The following VPS41 variants were observed in gnomAD, a reference collection of about 807,000 sequenced individuals.
VPS41 encodes VPS41 subunit of HOPS complex.
A neutral mutation model predicts 130.9 loss-of-function variants in VPS41; 85 were observed. The ratio of observed to expected loss-of-function variants is 0.65; its 90% CI spans 0.55 to 0.78. The LOEUF is 0.78. Among genes scored for constraint, VPS41 ranks in the 30% least tolerant of loss-of-function variants. The probability of loss-of-function intolerance (pLI) is 0.00; values close to 1 mark genes in which losing one functional copy is unlikely to be tolerated. For synonymous variants in VPS41, 335 were observed against 332.9 expected (o/e 1.01, Z -0.07); for missense variants, 874 against 1,018.7 (o/e 0.86, Z 1.93).
At chr7:38,796,931 C>T in intron 7 of VPS41, 67 bp from the exon 8 acceptor site, 1 of 1,579,836 alleles carries the variant, frequency 6.3e-7, no homozygotes, top group Non-Finnish European at 8.7e-7. Flanking sequence ...TCTTTACTTA[C>T]TAGTTTTACC....
At chr7:38,827,846 G>T (rs1179932021) in intron 5 of VPS41, among the ~76,000 whole-genome samples, 7 of 152,202 alleles carry the variant, frequency 4.6e-5, no homozygotes, top group African/African-American at 1.7e-4. Context: ...TTCAGTGTAT[G>T]GATCAAAAGG....
chr7:38,863,137 T>C (rs1786157287), intron 3 of VPS41, among the ~76,000 whole-genome samples: 1 of 152,236 alleles, frequency 6.6e-6, no homozygotes, highest in Non-Finnish European at 1.5e-5. Flanking sequence ...CAGTTAGCTT[T>C]AGGATGCTTC....
intron 23 of VPS41, among the ~76,000 whole-genome samples, chr7:38,744,202 C>T (rs6967384): frequency 0.88 from 134,378 of 152,192 alleles, 59,509 homozygotes; most frequent in East Asian, 0.99. Flanking sequence ...ACTTTGCTCA[C>T]TGACCTATGG....
intron 25 of VPS41, among the ~76,000 whole-genome samples, chr7:38,734,080 C>A (rs989210588): frequency 1.3e-5 from 2 of 152,166 alleles, no homozygotes; most frequent in African/African-American, 4.8e-5. Context: ...CAAAGTAAGG[C>A]CCTGTCTCAA....
At position 38,898,006 on chromosome 7, in the gene VPS41, G is replaced by A. The variant is rs1787047321; in HGVS notation, c.60+85C>T. ...CCTGCTTTACACCCTCAGCCCCTGG[G>A]AATGTTGCATTTAGCAAAGAAGCGC... On this transcript the variant is annotated intron_variant, in intron 2 of 28. Coordinates refer to ENST00000310301, the MANE Select transcript of VPS41 (RefSeq NM_014396.4). The A allele has an allele frequency of 5.4e-6, 7 of 1,285,510 alleles. No homozygotes were observed. In the Admixed American group the frequency reaches 1.2e-4, roughly 22 times the overall value. The allele number at this position is 1,285,510 out of a possible 1,614,324, so 79.6% of individuals were successfully genotyped here.
In VPS41 at chr7:38,748,214, C is replaced by G. The variant is rs1029401111; in HGVS notation, c.1927-2601G>C. Among the ~76,000 whole-genome samples the G allele has an allele frequency of 3.3e-5, 5 of 152,164 alleles. No individual in the cohort carries two copies. The East Asian group carries it at 5.8e-4, about 18-fold the overall frequency. On this transcript the variant is annotated intron_variant, in intron 22 of 28. Transcript: ENST00000310301. ...TTAAAGTAGACACACACAACACATG[C>G]GCGCGCGTGCGCGCACACACACGCG... is the stretch of plus-strand genomic sequence containing the variant.
At chr7:38,791,114 C>T (rs948733839) in intron 9 of VPS41, among the ~76,000 whole-genome samples, 1 of 152,180 alleles carries the variant, frequency 6.6e-6, no homozygotes. Flanking sequence ...AAGTGACCGG[C>T]TGTCTTCTTC....
In VPS41 at chr7:38,724,322, T is replaced by C. The variant is rs1196373115; in HGVS notation, c.*1924A>G. The C allele has an allele frequency of 6.6e-6, 1 of 152,198 alleles. No individual in the cohort carries two copies. Among genetic ancestry groups the C allele is most frequent in the Admixed American group, 6.5e-5 (1 of 15,286 alleles). 9.4% of individuals were successfully genotyped at this position (152,198 alleles called of 1,614,324 possible). A position where few individuals can be genotyped will look rare whatever the true frequency, so the allele number is the denominator to read the frequency against. On this transcript the variant is annotated 3_prime_UTR_variant, in exon 29 of 29. Transcript: ENST00000310301. ...GAGGATTAATGTAAATGTAATAAACTGAATCTGTAAATTGGTAATGTTGAA... is the reference window on the plus strand; with the variant it reads ...GAGGATTAATGTAAATGTAATAAACCGAATCTGTAAATTGGTAATGTTGAA...
intron 5 of VPS41, among the ~76,000 whole-genome samples, chr7:38,823,154 T>G (rs1371987573): frequency 4.6e-5 from 7 of 152,212 alleles, no homozygotes; most frequent in Non-Finnish European, 1.0e-4. Flanking sequence ...GATTAAATTA[T>G]GAAGGTGGAG....
intron 1 of VPS41, among the ~76,000 whole-genome samples, chr7:38,903,996 T>C (rs1302127756): frequency 6.6e-6 from 1 of 152,166 alleles, no homozygotes; most frequent in Non-Finnish European, 1.5e-5. Context: ...TCATCAAAAC[T>C]CAGTTTGGGG....
chr7:38,726,276 T>C lies in VPS41; in HGVS notation c.2535A>G (p.Pro845=). 6.2e-7 allele frequency: 1 copy of C among 1,614,074 alleles called. No individual in the cohort carries two copies. Among genetic ancestry groups the C allele is most frequent in the Non-Finnish European group, 8.5e-7 (1 of 1,179,914 alleles). The change falls in exon 29 of 29, where the codon CCA becomes CCG. Residue 845 remains proline (P), a synonymous_variant. Transcript: ENST00000310301. ...CNICSAKNRG[P]GSAILEMKK ...TTTTCATCTCCAAAATTGCACTTCCTGGTCCACGGTTCTTAGCACTGCAGA... is the reference window on the plus strand; with the variant it reads ...TTTTCATCTCCAAAATTGCACTTCCCGGTCCACGGTTCTTAGCACTGCAGA...
intron 12 of VPS41, among the ~76,000 whole-genome samples, chr7:38,773,455 A>C (rs1375539994): frequency 2.6e-5 from 4 of 152,226 alleles, no homozygotes; most frequent in Admixed American, 6.5e-5. Flanking sequence ...CCACAATGAG[A>C]ACTGAAAATA....
At chr7:38,792,557 C>A (rs1346598911) in intron 9 of VPS41, among the ~76,000 whole-genome samples, 2 of 152,180 alleles carry the variant, frequency 1.3e-5, no homozygotes, top group African/African-American at 4.8e-5. Context: ...CATTTCTCAC[C>A]AGCTGCATTA....
chr7:38,899,739 T>C (rs965934335), intron 1 of VPS41, among the ~76,000 whole-genome samples: 1 of 152,238 alleles, frequency 6.6e-6, no homozygotes, highest in Admixed American at 6.5e-5. Context: ...AATATTATGT[T>C]ATTAGCATCA....
intron 7 of VPS41, among the ~76,000 whole-genome samples, chr7:38,814,418 G>A (rs997404620): frequency 3.3e-5 from 5 of 152,152 alleles, no homozygotes; most frequent in African/African-American, 1.2e-4. Context: ...TTGGAAGGCC[G>A]AGCGGATGGA....
chr7:38,790,968 G>A (rs1475588705), intron 9 of VPS41, among the ~76,000 whole-genome samples: 1 of 152,172 alleles, frequency 6.6e-6, no homozygotes, highest in African/African-American at 2.4e-5. Context: ...ACTTTTGTAA[G>A]GTTTTGTTTT....
chr7:38,743,389 C>T lies in VPS41; in HGVS notation c.2122+13G>A. On this transcript the variant is annotated intron_variant, in intron 24 of 28. Transcript: ENST00000310301. ...AAAAAAAAGTTATAACCAGAGATGG[C>T]TTTTATGCTTACGTGGTTTGTCAAT... 1 of 1,613,644 alleles carries T rather than the reference C, an allele frequency of 6.2e-7. No homozygotes were observed. Among genetic ancestry groups the T allele is most frequent in the Non-Finnish European group, 8.5e-7 (1 of 1,179,710 alleles).
intron 10 of VPS41, among the ~76,000 whole-genome samples, chr7:38,777,035 G>A (rs6956969): frequency 0.29 from 43,711 of 152,086 alleles, 7,095 homozygotes; most frequent in Non-Finnish European, 0.38. Flanking sequence ...CAGCATGAAT[G>A]GTCAAGGGTG....
chr7:38,789,288 CG>C (rs1373753900), intron 10 of VPS41, among the ~76,000 whole-genome samples: 1 of 152,000 alleles, frequency 6.6e-6, no homozygotes, highest in East Asian at 1.9e-4. Context: ...CACTGGAACC[CG>C]TGACAAGTGC....
Sources: gnomAD v4.1 joint callset for allele counts (sites outside exome capture counted in the v4.1 genomes callset) on GRCh38, gnomAD v4.1.1 for gene constraint, MANE v1.5 for transcripts, NCBI Gene and HGNC (gene_info 2026-07-23, HGNC 2026-07-21) for gene names.